Variants in ENTPD5 observed in about 807,000 individuals in gnomAD.
ENTPD5 encodes nucleoside diphosphate phosphatase ENTPD5.
ENTPD5 carries 49 observed loss-of-function variants against 60.2 expected under a neutral mutation model. That is an observed-to-expected ratio of 0.81 (90% CI 0.65 to 1.03). The LOEUF (loss-of-function observed/expected upper bound fraction) is 1.03, where lower values mean the gene tolerates loss of function less well. Ranked by LOEUF, ENTPD5 falls within the 50% of genes least tolerant of loss-of-function variation. The pLI is 0.00. For synonymous variants in ENTPD5, 187 were observed against 185.4 expected (o/e 1.01, Z -0.07); for missense variants, 480 against 507.6 (o/e 0.95, Z 0.52).
intron 3 of ENTPD5, among the ~76,000 whole-genome samples, chr14:73,992,567 C>T (rs1209998858): frequency 6.6e-6 from 1 of 151,488 alleles, no homozygotes; most frequent in Non-Finnish European, 1.5e-5. Flanking sequence ...GCCTGTCGCT[C>T]CAGTTACTAG....
Position 73,983,021 on chromosome 14 carries a change from A to C in ENTPD5, c.438T>G (p.Phe146Leu), listed in dbSNP as rs2057754274. The C allele has an allele frequency of 1.2e-6, 2 of 1,613,268 alleles. No individual in the cohort carries two copies. Among genetic ancestry groups the C allele is most frequent in the Non-Finnish European group, 1.7e-6 (2 of 1,179,622 alleles). ...AAGATGCAGTTTTAAAACTTACCTC[A>C]AAGAGCAGAGCCTTGGCTTTGTGTT... ...LPEHKAKALL[F>L]EVKEIFRKSP... Residue 146 changes from phenylalanine (F) to leucine (L), a missense_variant, in exon 6 of 16, where the codon TTT (phenylalanine) becomes TTG (leucine). By Grantham distance (22) the Phe-to-Leu change is conservative. Transcript: ENST00000334696.
intron 3 of ENTPD5, among the ~76,000 whole-genome samples, chr14:74,004,580 G>C (rs1482621624): frequency 6.6e-6 from 1 of 152,128 alleles, no homozygotes; most frequent in Non-Finnish European, 1.5e-5. Flanking sequence ...CAATCTGAAG[G>C]CTTGACTAGG....
downstream of ENTPD5, chr14:73,958,129 C>T: frequency 6.2e-7 from 1 of 1,611,312 alleles, no homozygotes; most frequent in Non-Finnish European, 8.5e-7. Context: ...TTTTTTTCCT[C>T]TCTTTTGACC....
At chr14:73,960,156 C>T, downstream of ENTPD5, 1 of 988,222 alleles carries the variant, frequency 1.0e-6, no homozygotes, top group Non-Finnish European at 1.2e-6. Context: ...AAGCCTGATT[C>T]ATTGAAAGTA....
At chr14:73,980,678 G>C (rs767403048) in intron 6 of ENTPD5, among the ~76,000 whole-genome samples, 1 of 152,216 alleles carries the variant, frequency 6.6e-6, no homozygotes, top group Admixed American at 6.5e-5. Flanking sequence ...TTACAGGCAT[G>C]AGCCACTGCA....
intron 3 of ENTPD5, among the ~76,000 whole-genome samples, chr14:73,993,054 A>C (rs1397579148): frequency 6.6e-6 from 1 of 152,118 alleles, no homozygotes; most frequent in East Asian, 1.9e-4. Flanking sequence ...TAAAATATTT[A>C]GGCTGGGTAA....
intron 2 of ENTPD5, among the ~76,000 whole-genome samples, chr14:74,014,085 C>G (rs2058933953): frequency 6.6e-6 from 1 of 152,000 alleles, no homozygotes. Context: ...GTCTGTGGCT[C>G]TGTTGGGATG....
intron 10 of ENTPD5, among the ~76,000 whole-genome samples, chr14:73,975,299 T>C (rs2057392774): frequency 6.6e-6 from 1 of 152,016 alleles, no homozygotes; most frequent in African/African-American, 2.4e-5. Context: ...GGGATCACAT[T>C]CCAGGCTGGA....
At chr14:73,973,061 G>C in intron 12 of ENTPD5, 37 bp from the exon 13 acceptor site, 1 of 1,609,610 alleles carries the variant, frequency 6.2e-7, no homozygotes, top group Non-Finnish European at 8.5e-7. Context: ...AGGTGAGAAC[G>C]ACGCTGGGGG....
chr14:73,977,255 T>G, intron 7 of ENTPD5, 44 bp downstream of exon 7: 1 of 1,489,496 alleles, frequency 6.7e-7, no homozygotes, highest in African/African-American at 1.4e-5. Context: ...CTTTCACTGA[T>G]CCTGCCCCTC....
At position 73,966,189 on chromosome 14, in the gene ENTPD5, G is replaced by GATA. The variant is rs2056964092; in HGVS notation, c.*736_*738dup. Reference sequence around the variant, plus strand: ...GAATATACACATACCCATAAAGTCGGATATGTTCATTAATCCCAGAGTTGA... The same window carrying GATA: ...GAATATACACATACCCATAAAGTCGGATAATATGTTCATTAATCCCAGAGTTGA... On this transcript the variant is annotated 3_prime_UTR_variant, in exon 16 of 16. Transcript: ENST00000334696. 6.6e-6 allele frequency: 1 copy of GATA among 152,314 alleles called. No individual in the cohort carries two copies. The highest frequency in any genetic ancestry group is 2.4e-5 in the African/African-American group (1 of 41,564). 9.4% of individuals were successfully genotyped at this position (152,314 alleles called of 1,614,324 possible).
intron 1 of ENTPD5, 151 bp downstream of exon 1, chr14:74,019,099 T>G (rs2059170954): frequency 6.6e-6 from 1 of 152,350 alleles, no homozygotes; most frequent in Non-Finnish European, 1.5e-5. Context: ...CTAAGTCTCC[T>G]GAGGCAAGGG....
intron 14 of ENTPD5, among the ~76,000 whole-genome samples, chr14:73,971,490 C>T (rs1447225592): frequency 1.3e-5 from 2 of 152,076 alleles, no homozygotes; most frequent in African/African-American, 4.8e-5. Context: ...TATTCTTGCC[C>T]ATAATTCTAT....
intron 3 of ENTPD5, among the ~76,000 whole-genome samples, chr14:73,993,134 C>G (rs886156329): frequency 3.3e-5 from 5 of 152,060 alleles, no homozygotes; most frequent in African/African-American, 1.2e-4. Flanking sequence ...GTCAGGAGTT[C>G]GAGACCAGCT....
At chr14:73,987,473 C>G (rs1349110836) in intron 4 of ENTPD5, among the ~76,000 whole-genome samples, 1 of 151,904 alleles carries the variant, frequency 6.6e-6, no homozygotes, top group Non-Finnish European at 1.5e-5. Context: ...ATCAATTGAG[C>G]CTAGGAGTTT....
At chr14:74,017,861 G>A (rs1330439966) in intron 1 of ENTPD5, among the ~76,000 whole-genome samples, 1 of 150,694 alleles carries the variant, frequency 6.6e-6, no homozygotes, top group African/African-American at 2.4e-5. Context: ...TCCAGCCTAG[G>A]CAACAAGAGC....
chr14:73,998,491 T>C (rs1244986080), intron 3 of ENTPD5, among the ~76,000 whole-genome samples: 2 of 152,078 alleles, frequency 1.3e-5, no homozygotes, highest in Non-Finnish European at 2.9e-5. Flanking sequence ...TTCCAGAAAT[T>C]AGCAATTTCT....
downstream of ENTPD5, chr14:73,959,563 G>C (rs1416300619): frequency 6.2e-7 from 1 of 1,613,904 alleles, no homozygotes; most frequent in Non-Finnish European, 8.5e-7. Context: ...GCTGCAGGGG[G>C]AGATACAGAA....
intron 11 of ENTPD5, among the ~76,000 whole-genome samples, chr14:73,974,273 C>A (rs2057347754): frequency 6.6e-6 from 1 of 152,176 alleles, no homozygotes; most frequent in African/African-American, 2.4e-5. Context: ...ACCTTCAATA[C>A]AGCAACTTTC....
Sources: allele counts gnomAD v4.1 joint callset (sites outside exome capture counted in the v4.1 genomes callset), GRCh38; gene constraint gnomAD v4.1.1; transcripts MANE v1.5; gene names NCBI Gene and HGNC (gene_info 2026-07-23, HGNC 2026-07-21).